Variants in JARID2 observed in about 807,000 individuals in gnomAD.
The protein encoded by JARID2 is protein Jumonji.
A neutral mutation model predicts 125.6 loss-of-function variants in JARID2; 21 were observed. The observed-to-expected ratio is 0.17, with a 90% confidence interval of 0.12 to 0.24. JARID2 has a LOEUF of 0.24. Ranked by LOEUF, JARID2 falls within the 10% of genes least tolerant of loss-of-function variation. The pLI, the probability that JARID2 is intolerant of heterozygous loss-of-function variation, is 1.00. For synonymous variants in JARID2, 736 were observed against 661.6 expected (o/e 1.11, Z -1.73); for missense variants, 1,303 against 1,639.6 (o/e 0.79, Z 3.55).
At chr6:15,266,949 A>G (rs141641492) in intron 1 of JARID2, among the ~76,000 whole-genome samples, 1 of 152,184 alleles carries the variant, frequency 6.6e-6, no homozygotes, top group South Asian at 2.1e-4. Flanking sequence ...TCTCCATTGT[A>G]ATGTGGGGTG....
chr6:15,432,384 C>T (rs973258939), intron 3 of JARID2, among the ~76,000 whole-genome samples: 2 of 152,122 alleles, frequency 1.3e-5, no homozygotes, highest in Non-Finnish European at 2.9e-5. Context: ...GCTGAGATTG[C>T]GCCACTGCAC....
intron 2 of JARID2, among the ~76,000 whole-genome samples, chr6:15,375,366 T>TA (rs1764313945): frequency 2.0e-5 from 3 of 152,242 alleles, no homozygotes; most frequent in African/African-American, 7.2e-5. Flanking sequence ...TTTTCTTTCT[T>TA]ATGGGTGACT....
At chr6:15,287,525 G>A (rs542740625) in intron 1 of JARID2, among the ~76,000 whole-genome samples, 1 of 152,216 alleles carries the variant, frequency 6.6e-6, no homozygotes, top group East Asian at 1.9e-4. Context: ...AACTCACACA[G>A]AATTACATTT....
chr6:15,269,124 G>A (rs1378916747), intron 1 of JARID2, among the ~76,000 whole-genome samples: 1 of 152,146 alleles, frequency 6.6e-6, no homozygotes, highest in Non-Finnish European at 1.5e-5. Context: ...CAGTGGTGAG[G>A]TAGTTGCCCC....
intron 1 of JARID2, among the ~76,000 whole-genome samples, chr6:15,371,222 GGGAATAATTCTCTCAACT>G (rs1764155538): frequency 6.6e-6 from 1 of 152,146 alleles, no homozygotes; most frequent in African/African-American, 2.4e-5. Context: ...TTAGTTGTAG[GGGAATAATTCTCTCAACT>G]GGAGCCTGAA....
intron 6 of JARID2, among the ~76,000 whole-genome samples, chr6:15,493,205 T>TA (rs1395309465): frequency 6.6e-6 from 1 of 151,970 alleles, no homozygotes. Flanking sequence ...ACAGCGGTGT[T>TA]AGGGAAGGGT....
chr6:15,267,820 C>T (rs7766973), intron 1 of JARID2, among the ~76,000 whole-genome samples: 69,893 of 151,818 alleles, frequency 0.46, 16,803 homozygotes, highest in African/African-American at 0.61. Flanking sequence ...TTTACCTGCA[C>T]TCCTGAGGAT....
chr6:15,515,462 C>A (rs1318100164), intron 16 of JARID2, among the ~76,000 whole-genome samples: 2 of 152,136 alleles, frequency 1.3e-5, no homozygotes, highest in African/African-American at 4.8e-5. Context: ...GAGTTGTCAC[C>A]TGGCATTTCC....
intron 8 of JARID2, among the ~76,000 whole-genome samples, chr6:15,503,596 G>T (rs1021076806): frequency 6.6e-6 from 1 of 152,164 alleles, no homozygotes; most frequent in African/African-American, 2.4e-5. Flanking sequence ...TTTGAGGCCT[G>T]TGTCTTCCCC....
intron 1 of JARID2, among the ~76,000 whole-genome samples, chr6:15,360,164 T>G (rs1763742977): frequency 6.6e-6 from 1 of 152,058 alleles, no homozygotes; most frequent in South Asian, 2.1e-4. Flanking sequence ...TATTTCTATT[T>G]TATTCCTTTA....
intron 16 of JARID2, among the ~76,000 whole-genome samples, chr6:15,516,650 A>ACTGTGAGCTCTGTTGACTG (rs1771576413): frequency 1.3e-5 from 2 of 152,210 alleles, no homozygotes; most frequent in Admixed American, 1.3e-4. Context: ...TGAGCCACTC[A>ACTGTGAGCTCTGTTGACTG]TGGACCACCA....
chr6:15,412,314 G>A (rs993018365), intron 3 of JARID2, among the ~76,000 whole-genome samples: 1 of 151,772 alleles, frequency 6.6e-6, no homozygotes, highest in African/African-American at 2.4e-5. Flanking sequence ...TCTTTTTTTG[G>A]GGGGGTTGAG....
chr6:15,456,020 T>C (rs1031463092), intron 4 of JARID2, among the ~76,000 whole-genome samples: 1 of 152,256 alleles, frequency 6.6e-6, no homozygotes, highest in Non-Finnish European at 1.5e-5. Context: ...GGAATTTAGT[T>C]ATGCAGGTCT....
chr6:15,354,642 A>G (rs556986272), intron 1 of JARID2, among the ~76,000 whole-genome samples: 2 of 152,340 alleles, frequency 1.3e-5, no homozygotes, highest in African/African-American at 4.8e-5. Context: ...CCAAGATCAT[A>G]GAGCCAGTAA....
intron 3 of JARID2, among the ~76,000 whole-genome samples, chr6:15,422,106 G>C (rs1271026811): frequency 6.6e-6 from 1 of 152,198 alleles, no homozygotes; most frequent in East Asian, 1.9e-4. Flanking sequence ...TCCAATGTTA[G>C]AGGTCCTTTT....
At chr6:15,262,414 T>C (rs1031732773) in intron 1 of JARID2, among the ~76,000 whole-genome samples, 1 of 152,130 alleles carries the variant, frequency 6.6e-6, no homozygotes, top group African/African-American at 2.4e-5. Context: ...CATGCTGGAG[T>C]GTGTATCAGT....
chr6:15,351,934 G>C (rs1181674909), intron 1 of JARID2, among the ~76,000 whole-genome samples: 1 of 152,184 alleles, frequency 6.6e-6, no homozygotes, highest in Non-Finnish European at 1.5e-5. Flanking sequence ...TGGCTTGAGA[G>C]ATGGTATTAA....
chr6:15,493,533 A>C (rs971569855), intron 6 of JARID2, among the ~76,000 whole-genome samples: 2 of 152,124 alleles, frequency 1.3e-5, no homozygotes, highest in Non-Finnish European at 2.9e-5. Context: ...AGTAGGGCTG[A>C]AACAGATTGC....
chr6:15,251,373 A>G (rs1325050160), intron 1 of JARID2, among the ~76,000 whole-genome samples: 1 of 151,954 alleles, frequency 6.6e-6, no homozygotes, highest in East Asian at 1.9e-4. Flanking sequence ...GAGGACTCAC[A>G]CTCCTGACAT....
Sources: gnomAD v4.1 joint callset for allele counts (sites outside exome capture counted in the v4.1 genomes callset) on GRCh38, gnomAD v4.1.1 for gene constraint, MANE v1.5 for transcripts, NCBI Gene and HGNC (gene_info 2026-07-23, HGNC 2026-07-21) for gene names.